The following RANBP10 variants were observed in gnomAD, a reference collection of about 807,000 sequenced individuals.
RANBP10 encodes the protein RAN binding protein 10, also known as ran-binding protein 10.
Under a neutral mutation model 72.8 loss-of-function variants are expected in RANBP10, and 24 were observed. The observed-to-expected ratio is 0.33, with a 90% CI of 0.24 to 0.46. The LOEUF (loss-of-function observed/expected upper bound fraction) is 0.46. Among genes scored for constraint, RANBP10 ranks in the 20% least tolerant of loss-of-function variants. The probability of loss-of-function intolerance (pLI) is 1.00; values close to 1 mark genes in which losing one functional copy is unlikely to be tolerated. For synonymous variants in RANBP10, 310 were observed against 322.3 expected, an observed-to-expected ratio of 0.96 and a Z score of 0.41; for missense variants, 679 against 817.5, an observed-to-expected ratio of 0.83 and a Z score of 2.07.
At chr16:67,737,992 A>G (rs2053888784) in intron 5 of RANBP10, 21 bp downstream of exon 5, 2 of 1,581,324 alleles carry the variant, frequency 1.3e-6, no homozygotes, top group East Asian at 4.6e-5. Flanking sequence ...CAGGAGGGGA[A>G]GACTCAATAG....
At chr16:67,727,209 C>T in intron 13 of RANBP10, 118 bp downstream of exon 13, 1 of 1,016,094 alleles carries the variant, frequency 9.8e-7, no homozygotes, top group South Asian at 1.8e-5. Flanking sequence ...ACGAAAATTG[C>T]TTAAACCCAG....
intron 3 of RANBP10, among the ~76,000 whole-genome samples, chr16:67,744,772 G>A (rs1177819062): frequency 1.3e-5 from 2 of 152,264 alleles, no homozygotes; most frequent in African/African-American, 2.4e-5. Flanking sequence ...TTGTGAAGGA[G>A]TGGGAGCTGG....
Position 67,729,200 on chromosome 16 carries a change from G to C in RANBP10, c.1352+80C>G. The C allele has an allele frequency of 6.4e-7, 1 of 1,559,926 alleles. No individual in the cohort carries two copies. Among genetic ancestry groups the C allele is most frequent in the Non-Finnish European group, 8.7e-7 (1 of 1,152,450 alleles). On this transcript the variant is annotated intron_variant, in intron 10 of 13. Coordinates refer to ENST00000317506, the MANE Select transcript of RANBP10 (RefSeq NM_020850.3). This position sits in a 1 kb window ranked among gnomAD's most constrained non-coding sequence, Gnocchi z 7.1. ...AGATGGAGGCTGGGGGTGAAGGGCAGGGCGCTCAAAGGACAGACTGCAATG... is the reference window on the plus strand; with the variant it reads ...AGATGGAGGCTGGGGGTGAAGGGCACGGCGCTCAAAGGACAGACTGCAATG...
At chr16:67,783,160 G>A (rs1379550633) in intron 2 of RANBP10, among the ~76,000 whole-genome samples, 5 of 152,136 alleles carry the variant, frequency 3.3e-5, no homozygotes, top group African/African-American at 9.7e-5. Context: ...TATGTCCCAA[G>A]CTGGGCACAG....
At chr16:67,728,561 C>G in intron 10 of RANBP10, 50 bp from the exon 11 acceptor site, 1 of 1,612,746 alleles carries the variant, frequency 6.2e-7, no homozygotes, top group Non-Finnish European at 8.5e-7. Flanking sequence ...GTGGTTGGAG[C>G]AGCCTGGTTG....
chr16:67,777,426 C>T (rs769335619), intron 2 of RANBP10, among the ~76,000 whole-genome samples: 1 of 149,104 alleles, frequency 6.7e-6, no homozygotes, highest in South Asian at 2.1e-4. Flanking sequence ...GTCCCAGCTA[C>T]GGGGGAGGCT....
intron 2 of RANBP10, among the ~76,000 whole-genome samples, chr16:67,779,268 A>T (rs1344431477): frequency 1.3e-5 from 2 of 151,538 alleles, no homozygotes; most frequent in Non-Finnish European, 2.9e-5. Context: ...GGTAGTGCAC[A>T]CCTGTAGTCC....
intron 5 of RANBP10, among the ~76,000 whole-genome samples, chr16:67,737,531 A>G (rs2053878006): frequency 6.6e-6 from 1 of 152,096 alleles, no homozygotes; most frequent in African/African-American, 2.4e-5. Flanking sequence ...TAAGAAGAGA[A>G]GACCCCACAA....
At chr16:67,797,638 C>T (rs2055157040) in intron 2 of RANBP10, among the ~76,000 whole-genome samples, 1 of 152,036 alleles carries the variant, frequency 6.6e-6, no homozygotes, top group Non-Finnish European at 1.5e-5. Context: ...GGCAAAACCT[C>T]GTCTCTACTA....
At position 67,806,390 on chromosome 16, in the gene RANBP10, T is replaced by G. The variant is rs755915797; in HGVS notation, c.147A>C (p.Gln49His). The change falls in exon 1 of 14, where the codon CAA (glutamine) becomes CAC (histidine). Residue 49 changes from glutamine to histidine, a missense_variant. Coordinates refer to ENST00000317506, the MANE Select transcript of RANBP10 (RefSeq NM_020850.3). ...LQRLYPAVNQ[Q>H]ETPLPRSWSP... ...TCCAGGAGCGCGGCAGCGGAGTCTCTTGCTGGTTGACCGCGGGATACAGGC... is the reference window on the plus strand; with the variant it reads ...TCCAGGAGCGCGGCAGCGGAGTCTCGTGCTGGTTGACCGCGGGATACAGGC... The G allele has an allele frequency of 7.4e-6, 12 of 1,611,102 alleles. No individual in the cohort carries two copies. Among genetic ancestry groups the G allele is most frequent in the Non-Finnish European group, 1.0e-5 (12 of 1,178,788 alleles).
Position 67,727,693 on chromosome 16 carries a change from A to G in RANBP10, c.1620+58T>C, listed in dbSNP as rs1597816631. 4 of 1,610,896 alleles carry G rather than the reference A, an allele frequency of 2.5e-6. No homozygotes were observed. In the Admixed American group the frequency reaches 6.7e-5, roughly 27 times the overall value. On this transcript the variant is annotated intron_variant, in intron 12 of 13. Coordinates refer to ENST00000317506, the MANE Select transcript of RANBP10 (RefSeq NM_020850.3). Reference sequence around the variant, plus strand: ...CTGCCCCCTGGACTCTCCCAGAGCCACCCTGCCCCCAACACCAAATGGGGC... The same window carrying G: ...CTGCCCCCTGGACTCTCCCAGAGCCGCCCTGCCCCCAACACCAAATGGGGC...
chr16:67,804,849 G>T (rs1483495109), intron 2 of RANBP10, among the ~76,000 whole-genome samples: 1 of 152,016 alleles, frequency 6.6e-6, no homozygotes. Flanking sequence ...ACTTTAATGA[G>T]GACCTTCCTA....
rs750267964 is a variant in RANBP10, at chr16:67,806,308, A to G, written c.229T>C (p.Tyr77His). 6.2e-7 allele frequency: 1 copy of G among 1,611,662 alleles called. No individual in the cohort carries two copies. The highest frequency in any genetic ancestry group is 8.5e-7 in the Non-Finnish European group (1 of 1,178,886). The change falls in exon 1 of 14, where the codon TAC becomes CAC. Residue 77 changes from tyrosine (Y) to histidine (H), a missense_variant. Transcript: ENST00000317506. The stretch of plus-strand genomic sequence containing the variant: ...CAGCCTGACGGGCCGATACCTTTGT[A>G]GTGGACGCGGAGGTTGCCCTGGGAG... Reference protein sequence around the residue: ...GLSQGNLRVHYKGHGKNHKDA... With the variant: ...GLSQGNLRVHHKGHGKNHKDA...
chr16:67,774,404 G>A (rs2054660118), intron 2 of RANBP10, among the ~76,000 whole-genome samples: 1 of 152,224 alleles, frequency 6.6e-6, no homozygotes, highest in South Asian at 2.1e-4. Context: ...AATCACTAAA[G>A]CACCTGTGCT....
At chr16:67,782,165 G>A (rs2054825276) in intron 2 of RANBP10, among the ~76,000 whole-genome samples, 1 of 152,046 alleles carries the variant, frequency 6.6e-6, no homozygotes, top group African/African-American at 2.4e-5. Flanking sequence ...ATTTGAGACA[G>A]GGTCTCACTC....
At chr16:67,747,322 T>A (rs2143006799) in intron 3 of RANBP10, among the ~76,000 whole-genome samples, 1 of 152,360 alleles carries the variant, frequency 6.6e-6, no homozygotes, top group South Asian at 2.1e-4. Flanking sequence ...GCCACCTATT[T>A]GTTGGAAAAC....
At position 67,735,016 on chromosome 16, in the gene RANBP10, C is replaced by T; in HGVS notation, c.618G>A (p.Leu206=). ...LPANLYPTVG[L]QTPGEIVDAN... is the part of the protein sequence containing the mutation. ...CGTCCACAATCTCCCCAGGTGTCTGCAGGCCTACGGTGGGGTAGAGGTTGG... is the reference window on the plus strand; with the variant it reads ...CGTCCACAATCTCCCCAGGTGTCTGTAGGCCTACGGTGGGGTAGAGGTTGG... Residue 206 remains leucine, a synonymous_variant, in exon 6 of 14, where the codon CTG becomes CTA. Transcript: ENST00000317506. 6.2e-7 allele frequency: 1 copy of T among 1,610,674 alleles called. No homozygotes were observed. The highest frequency in any genetic ancestry group is 1.7e-4 in the Middle Eastern group (1 of 6,054).
chr16:67,755,184 T>G (rs2054264684), intron 3 of RANBP10, among the ~76,000 whole-genome samples: 1 of 152,076 alleles, frequency 6.6e-6, no homozygotes, highest in African/African-American at 2.4e-5. Flanking sequence ...GAGCAGCCCC[T>G]CCAGCCCCAC....
At chr16:67,766,029 C>T (rs1438612198) in intron 3 of RANBP10, among the ~76,000 whole-genome samples, 2 of 151,922 alleles carry the variant, frequency 1.3e-5, no homozygotes, top group African/African-American at 2.4e-5. Flanking sequence ...AATAAATAAA[C>T]AAACACCAAA....
Sources: gnomAD v4.1 joint callset for allele counts (sites outside exome capture counted in the v4.1 genomes callset) on GRCh38, gnomAD v4.1.1 for gene constraint, Gnocchi (gnomAD v3.1) non-coding constraint, MANE v1.5 for transcripts, NCBI Gene and HGNC (gene_info 2026-07-23, HGNC 2026-07-21) for gene names.